The following SNTG1 variants were observed in gnomAD, a reference collection of about 807,000 sequenced individuals.
SNTG1 encodes syntrophin gamma 1, also known as gamma-1-syntrophin.
SNTG1 carries 39 observed loss-of-function variants against 74.7 expected under a neutral mutation model. The ratio of observed to expected loss-of-function variants is 0.52; its 90% confidence interval spans 0.40 to 0.68. SNTG1 has a LOEUF of 0.68. SNTG1 is among the 30% of genes least tolerant of loss of function. The pLI is 0.00. For synonymous variants in SNTG1, 254 were observed against 217.1 expected (o/e 1.17, Z -1.49); for missense variants, 685 against 609.5 (o/e 1.12, Z -1.30).
At chr8:50,643,573 T>G (rs2131186081) in intron 13 of SNTG1, among the ~76,000 whole-genome samples, 1 of 151,880 alleles carries the variant, frequency 6.6e-6, no homozygotes, top group Middle Eastern at 3.4e-3. Flanking sequence ...TCTTTCTGAG[T>G]GTAACAGAGA....
intron 1 of SNTG1, among the ~76,000 whole-genome samples, chr8:50,096,963 T>TTTATTA (rs1009772024): frequency 6.6e-6 from 1 of 151,786 alleles, no homozygotes; most frequent in African/African-American, 2.4e-5. Context: ...ACTAAAACTT[T>TTTATTA]TTATTATTAT....
intron 2 of SNTG1, among the ~76,000 whole-genome samples, chr8:50,187,577 A>T (rs566005060): frequency 6.6e-6 from 1 of 152,314 alleles, no homozygotes; most frequent in South Asian, 2.1e-4. Context: ...TAGAATTAAA[A>T]AAATAAGCAA....
chr8:50,006,103 C>T (rs1457452195), intron 1 of SNTG1, among the ~76,000 whole-genome samples: 1 of 151,414 alleles, frequency 6.6e-6, no homozygotes, highest in Non-Finnish European at 1.5e-5. Context: ...GCTGGGATTA[C>T]AGGTGCATGC....
chr8:50,786,932 G>T (rs11989930), intron 18 of SNTG1, among the ~76,000 whole-genome samples: 33,400 of 151,716 alleles, frequency 0.22, 3,840 homozygotes, highest in South Asian at 0.32. Flanking sequence ...TTTGACAATT[G>T]TGCTTAGACT....
chr8:50,162,518 C>T (rs1275033311), intron 1 of SNTG1, among the ~76,000 whole-genome samples: 3 of 145,430 alleles, frequency 2.1e-5, no homozygotes, highest in East Asian at 2.0e-4. Flanking sequence ...GCCGAGTTCA[C>T]GCCACTGCAC....
chr8:49,924,052 G>A (rs1806800093), intron 1 of SNTG1, among the ~76,000 whole-genome samples: 1 of 152,074 alleles, frequency 6.6e-6, no homozygotes, highest in African/African-American at 2.4e-5. Context: ...ACATTCTGAA[G>A]GAAATTTTAA....
intron 1 of SNTG1, among the ~76,000 whole-genome samples, chr8:50,017,245 T>A (rs1240245092): frequency 6.6e-6 from 1 of 151,896 alleles, no homozygotes; most frequent in Non-Finnish European, 1.5e-5. Context: ...GCAATAATTA[T>A]AAAATTATTT....
intron 2 of SNTG1, among the ~76,000 whole-genome samples, chr8:50,203,784 G>A (rs996747876): frequency 1.3e-5 from 2 of 150,804 alleles, no homozygotes; most frequent in Admixed American, 1.3e-4. Context: ...GTGTTTCTGT[G>A]TGTGTGTGTG....
chr8:50,740,144 C>G (rs1343628981), intron 17 of SNTG1, among the ~76,000 whole-genome samples: 1 of 151,764 alleles, frequency 6.6e-6, no homozygotes, highest in Non-Finnish European at 1.5e-5. Context: ...AACTAAAAAG[C>G]TCTGCGCAGC....
At chr8:50,257,665 T>C (rs2086952125) in intron 2 of SNTG1, among the ~76,000 whole-genome samples, 2 of 152,176 alleles carry the variant, frequency 1.3e-5, no homozygotes, top group African/African-American at 4.8e-5. Flanking sequence ...ATGATATAAA[T>C]AACTCTCACA....
In SNTG1 at chr8:50,504,628, C is replaced by T. The variant is rs76313685; in HGVS notation, c.466+1748C>T. Among the ~76,000 whole-genome samples, 106 of 152,108 alleles carry T rather than the reference C, an allele frequency of 7.0e-4. 2 individuals are homozygous for T. The South Asian group carries it at 0.021, about 30-fold the overall frequency. On this transcript the variant is annotated intron_variant, in intron 9 of 18. Coordinates refer to ENST00000642720, the MANE Select transcript of SNTG1 (RefSeq NM_018967.5). ...ACAACATGGCAAAATGCCATCTCTA[C>T]CAAAAATACAAAAAAACCCCAAAAT... is the stretch of plus-strand genomic sequence containing the variant.
chr8:50,037,641 CAG>C (rs933550523), intron 1 of SNTG1, among the ~76,000 whole-genome samples: 4 of 152,076 alleles, frequency 2.6e-5, no homozygotes, highest in African/African-American at 9.7e-5. Flanking sequence ...GTTTTAAAGC[CAG>C]ATTTGACTTC....
intron 2 of SNTG1, among the ~76,000 whole-genome samples, chr8:50,199,759 C>G (rs982360114): frequency 1.3e-5 from 2 of 152,164 alleles, no homozygotes; most frequent in African/African-American, 2.4e-5. Flanking sequence ...AGTCAGCCAA[C>G]AGCTGTTCCA....
At chr8:50,562,993 C>T (rs886623689) in intron 12 of SNTG1, among the ~76,000 whole-genome samples, 2 of 152,148 alleles carry the variant, frequency 1.3e-5, no homozygotes, top group African/African-American at 4.8e-5. Flanking sequence ...CTCTCAGTGC[C>T]TGGATAAACA....
At chr8:50,330,809 C>G (rs1048771338) in intron 2 of SNTG1, among the ~76,000 whole-genome samples, 2 of 152,092 alleles carry the variant, frequency 1.3e-5, no homozygotes, top group Non-Finnish European at 2.9e-5. Flanking sequence ...GAGGAACTGA[C>G]AAACACTTAT....
chr8:50,468,149 A>G (rs942834464), intron 8 of SNTG1, among the ~76,000 whole-genome samples: 1 of 152,048 alleles, frequency 6.6e-6, no homozygotes, highest in Non-Finnish European at 1.5e-5. Flanking sequence ...GTCTATTATA[A>G]CAATAGTACT....
intron 2 of SNTG1, among the ~76,000 whole-genome samples, chr8:50,372,274 T>A (rs2092287262): frequency 6.6e-6 from 1 of 151,930 alleles, no homozygotes; most frequent in Non-Finnish European, 1.5e-5. Flanking sequence ...ATTTTATGCA[T>A]CTTCTATAGT....
intron 1 of SNTG1, chr8:50,011,719 G>C (rs1815820505): frequency 6.6e-6 from 1 of 151,880 alleles, no homozygotes; most frequent in Non-Finnish European, 1.5e-5. Context: ...GATTATCACT[G>C]TTTTAATGTC....
intron 17 of SNTG1, among the ~76,000 whole-genome samples, chr8:50,732,433 G>A (rs1010219740): frequency 2.0e-5 from 3 of 151,638 alleles, no homozygotes; most frequent in African/African-American, 7.3e-5. Flanking sequence ...TAAATTTCAC[G>A]TCCTTATGTT....
Sources: allele counts gnomAD v4.1 joint callset (sites outside exome capture counted in the v4.1 genomes callset), GRCh38; gene constraint gnomAD v4.1.1; transcripts MANE v1.5; gene names NCBI Gene and HGNC (gene_info 2026-07-23, HGNC 2026-07-21).